INSC: variants seen among roughly 807,000 people sequenced by gnomAD.
The protein encoded by INSC is protein inscuteable homolog.
In INSC, 67 loss-of-function variants were observed where a neutral mutation model predicts 58.6. The ratio of observed to expected loss-of-function variants is 1.14; its 90% confidence interval spans 0.94 to 1.40. INSC has a LOEUF of 1.40. INSC is among the 40% of genes most tolerant of loss of function. The pLI is 0.00. For synonymous variants in INSC, 262 were observed against 276.1 expected, an observed-to-expected ratio of 0.95 and a Z score of 0.51; for missense variants, 714 against 692.0, an observed-to-expected ratio of 1.03 and a Z score of -0.36.
intron 6 of INSC, 47 bp from the exon 7 acceptor site, chr11:15,200,777 G>T (rs750792497): frequency 1.2e-6 from 2 of 1,610,834 alleles, no homozygotes; most frequent in Non-Finnish European, 1.7e-6. Context: ...GTTAGCCCCA[G>T]ACAAGGTCAC....
At chr11:15,130,937 C>G (rs1848111362) in intron 1 of INSC, among the ~76,000 whole-genome samples, 1 of 151,310 alleles carries the variant, frequency 6.6e-6, no homozygotes. Context: ...ATCTTGCCAG[C>G]AGTTTATTTT....
chr11:15,227,621 G>A (rs1033342980), intron 9 of INSC, among the ~76,000 whole-genome samples: 21 of 152,194 alleles, frequency 1.4e-4, no homozygotes, highest in African/African-American at 4.6e-4. Flanking sequence ...GTAGAGAGAA[G>A]GTATGACAGT....
At chr11:15,158,053 T>C (rs1848878856) in intron 2 of INSC, among the ~76,000 whole-genome samples, 1 of 152,148 alleles carries the variant, frequency 6.6e-6, no homozygotes, top group Non-Finnish European at 1.5e-5. Context: ...TCCTATCCTG[T>C]CCCTCCCAGA....
intron 7 of INSC, among the ~76,000 whole-genome samples, chr11:15,217,855 T>C (rs570720103): frequency 1.3e-5 from 2 of 152,300 alleles, no homozygotes; most frequent in South Asian, 4.1e-4. Context: ...AGCCATAAAA[T>C]TGGCAAAAAA....
At chr11:15,189,945 G>A (rs1850102866) in intron 5 of INSC, among the ~76,000 whole-genome samples, 3 of 152,188 alleles carry the variant, frequency 2.0e-5, no homozygotes, top group South Asian at 2.1e-4. Flanking sequence ...AATAATCTTT[G>A]TATCTTTTTT....
upstream of INSC, chr11:15,112,589 TGA>T (rs770234127): frequency 2.1e-5 from 25 of 1,176,798 alleles, no homozygotes; most frequent in Non-Finnish European, 2.6e-5. Context: ...AAGGTGGATG[TGA>T]GTGTGTGTGT....
At chr11:15,185,782 T>C (rs879591480) in intron 5 of INSC, among the ~76,000 whole-genome samples, 2 of 152,142 alleles carry the variant, frequency 1.3e-5, no homozygotes, top group Non-Finnish European at 2.9e-5. Flanking sequence ...TTTGCAAGAG[T>C]GATGTAATGA....
At chr11:15,235,105 C>T (rs1431639694) in intron 9 of INSC, 2 of 195,444 alleles carry the variant, frequency 1.0e-5, no homozygotes, top group African/African-American at 2.3e-5. Flanking sequence ...CTACTCATGC[C>T]CTCTAACGTG....
chr11:15,167,169 G>A (rs781160799), intron 2 of INSC, among the ~76,000 whole-genome samples: 5 of 151,664 alleles, frequency 3.3e-5, no homozygotes, highest in Non-Finnish European at 7.4e-5. Context: ...TGAGCAGCTT[G>A]GGTGCAAAGC....
At chr11:15,117,200 C>T (rs543991967) in intron 1 of INSC, among the ~76,000 whole-genome samples, 34 of 151,760 alleles carry the variant, frequency 2.2e-4, no homozygotes, top group African/African-American at 6.8e-4. Context: ...CCTAGGCCTC[C>T]GATACTGCTG....
intron 6 of INSC, among the ~76,000 whole-genome samples, chr11:15,191,622 A>G (rs1850182521): frequency 3.9e-5 from 6 of 152,208 alleles, no homozygotes; most frequent in Admixed American, 3.3e-4. Context: ...AGACTTGTGT[A>G]TGGCTTAAGC....
At chr11:15,125,412 GA>G (rs1471349950) in intron 1 of INSC, among the ~76,000 whole-genome samples, 1 of 152,192 alleles carries the variant, frequency 6.6e-6, no homozygotes, top group Non-Finnish European at 1.5e-5. Context: ...AAATTTCGAA[GA>G]GAGAAATGAC....
At chr11:15,172,998 C>A (rs190344270) in intron 2 of INSC, among the ~76,000 whole-genome samples, 1 of 152,218 alleles carries the variant, frequency 6.6e-6, no homozygotes, top group African/African-American at 2.4e-5. Flanking sequence ...GAATGTGAAG[C>A]ATTGGGGTTT....
At chr11:15,194,525 T>G (rs1033447343) in intron 6 of INSC, among the ~76,000 whole-genome samples, 1 of 152,220 alleles carries the variant, frequency 6.6e-6, no homozygotes, top group African/African-American at 2.4e-5. Flanking sequence ...TAAAGCAATC[T>G]TAATATTAGA....
chr11:15,246,004 C>T lies in INSC; in HGVS notation c.1563C>T (p.Phe521=), dbSNP rs1172141624. The change falls in exon 13 of 13, where the codon TTC becomes TTT. Residue 521 remains phenylalanine (F), a synonymous_variant. Transcript: ENST00000379556. ...QLVQPRLVDS[F]LLCSNMEESF... is the part of the protein sequence containing the mutation. ...TCCAGCCTCGGCTGGTGGACTCCTT[C>T]TTACTCTGCAGCAACATGGAGGAGA... 1 of 1,614,084 alleles carries T rather than the reference C, an allele frequency of 6.2e-7. No homozygotes were observed. The highest frequency in any genetic ancestry group is 8.5e-7 in the Non-Finnish European group (1 of 1,180,040).
upstream of INSC, chr11:15,112,322 C>T: frequency 5.2e-6 from 3 of 582,060 alleles, no homozygotes; most frequent in Non-Finnish European, 8.9e-6. Context: ...CCTTGGGCAG[C>T]CTCAGTACTG....
chr11:15,128,461 A>C (rs1848050200), intron 1 of INSC, among the ~76,000 whole-genome samples: 2 of 152,200 alleles, frequency 1.3e-5, no homozygotes, highest in Admixed American at 6.5e-5. Context: ...TATTATCCCC[A>C]GTTTGCAAAT....
At chr11:15,126,754 C>G (rs1848006414) in intron 1 of INSC, among the ~76,000 whole-genome samples, 2 of 152,194 alleles carry the variant, frequency 1.3e-5, no homozygotes, top group African/African-American at 4.8e-5. Flanking sequence ...CTGTTCATCT[C>G]CTCTCTCATC....
At chr11:15,138,822 C>T (rs146095332) in intron 1 of INSC, among the ~76,000 whole-genome samples, 15 of 152,078 alleles carry the variant, frequency 9.9e-5, no homozygotes, top group Non-Finnish European at 2.1e-4. Context: ...TCCCATTTTA[C>T]GGATGTAGAA....
Sources: allele counts gnomAD v4.1 joint callset (sites outside exome capture counted in the v4.1 genomes callset), GRCh38; gene constraint gnomAD v4.1.1; transcripts MANE v1.5; gene names NCBI Gene and HGNC (gene_info 2026-07-23, HGNC 2026-07-21).